Variants in SLC66A3 observed in about 807,000 individuals in gnomAD.
The protein encoded by SLC66A3 is solute carrier family 66 member 3.
In SLC66A3, 23 loss-of-function variants were observed where a neutral mutation model predicts 25.5. The ratio of observed to expected loss-of-function variants is 0.90; its 90% CI spans 0.65 to 1.28. The LOEUF is 1.28. Ranked by LOEUF, SLC66A3 falls within the 50% of genes most tolerant of loss-of-function variation. SLC66A3 has a pLI of 0.00. For missense variants in SLC66A3, 246 were observed against 262.1 expected (o/e 0.94, Z 0.42); for synonymous variants, 108 against 112.6 (o/e 0.96, Z 0.26).
In SLC66A3 at chr2:11,155,614, C is replaced by T. The variant is rs901906217; in HGVS notation, c.68C>T (p.Pro23Leu). The T allele has an allele frequency of 2.6e-6, 4 of 1,526,502 alleles. No individual in the cohort carries two copies. Among genetic ancestry groups the T allele is most frequent in the African/African-American group, 2.8e-5 (2 of 70,202 alleles). The allele number at this position is 1,526,502 out of a possible 1,614,324, so 94.6% of individuals were successfully genotyped here. ...GGCGTGTGCGCCGCGCTGAAGCTGCCGCAGATCTCCGCTGTGCTAGCGGCG... is the reference window on the plus strand; with the variant it reads ...GGCGTGTGCGCCGCGCTGAAGCTGCTGCAGATCTCCGCTGTGCTAGCGGCG... ...TLGVCAALKL[P>L]QISAVLAARS... Residue 23 changes from proline to leucine, a missense_variant, in exon 1 of 7, where the codon CCG (proline) becomes CTG (leucine). Around this residue, in one of 3 missense-constraint regions of SLC66A3, gnomAD observed 142 missense variants for 130.3 expected, o/e 1.09. Coordinates refer to ENST00000295083, the MANE Select transcript of SLC66A3 (RefSeq NM_152391.5).
At chr2:11,166,941 T>C (rs1243712416) in intron 4 of SLC66A3, among the ~76,000 whole-genome samples, 3 of 152,086 alleles carry the variant, frequency 2.0e-5, no homozygotes, top group Non-Finnish European at 2.9e-5. Context: ...ACTAAAACAT[T>C]ATTTGTTGTT....
At chr2:11,161,112 G>C (rs1662113742) in intron 3 of SLC66A3, among the ~76,000 whole-genome samples, 1 of 152,192 alleles carries the variant, frequency 6.6e-6, no homozygotes, top group African/African-American at 2.4e-5. Context: ...GGCAGTTGTT[G>C]GCCCAGAGGC....
chr2:11,165,789 A>G (rs1056175541), intron 4 of SLC66A3, among the ~76,000 whole-genome samples: 9 of 152,336 alleles, frequency 5.9e-5, no homozygotes, highest in African/African-American at 9.6e-5. Context: ...CGAGGCTGGC[A>G]GATCACTCGC....
chr2:11,160,371 G>C lies in SLC66A3; in HGVS notation c.144-95G>C. The C allele has an allele frequency of 5.8e-6, 6 of 1,042,506 alleles. No individual in the cohort carries two copies. In the East Asian group the frequency reaches 1.4e-4, roughly 25 times the overall value. 64.6% of individuals were successfully genotyped at this position (1,042,506 alleles called of 1,614,324 possible). On this transcript the variant is annotated intron_variant, in intron 1 of 6. Transcript: ENST00000295083. ...GGCGTGTCCACACCCCCACTGCAAG[G>C]ATTCGGCAAACTGACCTCAGTGTTC...
In SLC66A3 at chr2:11,155,698, C is replaced by T. The variant is rs773634321; in HGVS notation, c.143+9C>T. ...CTTCTGGAGCTGGCAGGGTAAGGCC[C>T]GGGGCGGCCGGGGCTGCCTCCTGCC... On this transcript the variant is annotated intron_variant, in intron 1 of 6. Transcript: ENST00000295083. 47 of 1,389,012 alleles carry T rather than the reference C, an allele frequency of 3.4e-5. No homozygotes were observed. Among genetic ancestry groups the T allele is most frequent in the Non-Finnish European group, 4.1e-5 (44 of 1,074,076 alleles). 86.0% of individuals were successfully genotyped at this position (1,389,012 alleles called of 1,614,324 possible).
intron 6 of SLC66A3, among the ~76,000 whole-genome samples, chr2:11,176,817 C>G (rs974726998): frequency 6.6e-6 from 1 of 152,030 alleles, no homozygotes; most frequent in Non-Finnish European, 1.5e-5. Context: ...CGTGAGCCAC[C>G]GCGCCCGGCC....
At chr2:11,162,858 A>G (rs1287966476) in intron 3 of SLC66A3, among the ~76,000 whole-genome samples, 3 of 152,164 alleles carry the variant, frequency 2.0e-5, no homozygotes, top group Admixed American at 6.5e-5. Flanking sequence ...CACCTGCCTC[A>G]GCCTCCCAAA....
chr2:11,162,181 C>T (rs1332884392), intron 3 of SLC66A3, among the ~76,000 whole-genome samples: 3 of 152,132 alleles, frequency 2.0e-5, no homozygotes, highest in African/African-American at 4.8e-5. Context: ...TTACTAGAGG[C>T]GAGGCTCTGC....
chr2:11,171,427 CAG>C (rs1176277670), intron 4 of SLC66A3, among the ~76,000 whole-genome samples: 2 of 151,786 alleles, frequency 1.3e-5, no homozygotes, highest in Admixed American at 6.6e-5. Flanking sequence ...GCCTGGGTGA[CAG>C]AGTGAGACTG....
At chr2:11,165,615 T>G (rs1478814009) in intron 4 of SLC66A3, among the ~76,000 whole-genome samples, 66 of 151,516 alleles carry the variant, frequency 4.4e-4, no homozygotes, top group South Asian at 8.3e-4. Flanking sequence ...AGACGGGGTG[T>G]CGGCCGGGCA....
intron 1 of SLC66A3, among the ~76,000 whole-genome samples, chr2:11,156,859 C>T (rs1386437020): frequency 2.0e-5 from 3 of 152,136 alleles, no homozygotes; most frequent in Non-Finnish European, 4.4e-5. Flanking sequence ...AGGTTGGTGC[C>T]ACCACCAGGC....
intron 4 of SLC66A3, among the ~76,000 whole-genome samples, chr2:11,171,099 C>G (rs1044344860): frequency 6.6e-6 from 1 of 152,056 alleles, no homozygotes; most frequent in Non-Finnish European, 1.5e-5. Flanking sequence ...AGGCAGATCA[C>G]CTGAGGTCAG....
rs370627766 is a variant in SLC66A3, at chr2:11,167,392, A to G, written c.354+3131A>G. On this transcript the variant is annotated intron_variant, in intron 4 of 6. Coordinates refer to ENST00000295083, the MANE Select transcript of SLC66A3 (RefSeq NM_152391.5). ...CGGGAGGCGGAGGTTGCAGTGAGCC[A>G]AGATCAAGCCATTGCACTCCAGCCT... 2.0e-5 allele frequency among the ~76,000 whole-genome samples: 3 copies of G among 152,278 alleles called. No homozygotes were observed. In the East Asian group the frequency reaches 5.8e-4, roughly 29 times the overall value.
chr2:11,174,561 ATC>A lies in SLC66A3; in HGVS notation c.476-404_476-403del, dbSNP rs1453039444. Among the ~76,000 whole-genome samples the A allele has an allele frequency of 7.2e-5, 11 of 151,966 alleles. No individual in the cohort carries two copies. The East Asian group carries it at 2.1e-3, about 29-fold the overall frequency. On this transcript the variant is annotated intron_variant, in intron 5 of 6. Transcript: ENST00000295083. The stretch of plus-strand genomic sequence containing the variant: ...ACCCAGGCTGGAGTCAATTGGCGCA[ATC>A]TCAGCTCACTGCAACCTTTGCCTCC...
chr2:11,169,697 G>A (rs749001974), intron 4 of SLC66A3, among the ~76,000 whole-genome samples: 4 of 151,826 alleles, frequency 2.6e-5, no homozygotes, highest in Admixed American at 6.6e-5. Flanking sequence ...CTCCAACCTC[G>A]CGTGTCCAGA....
chr2:11,165,478 T>C (rs1662298871), intron 4 of SLC66A3, among the ~76,000 whole-genome samples: 1 of 143,194 alleles, frequency 7.0e-6, no homozygotes. Context: ...GCAGAGGCGC[T>C]CCCCACATCT....
At chr2:11,166,232 TA>T (rs1023816618) in intron 4 of SLC66A3, among the ~76,000 whole-genome samples, 7 of 152,216 alleles carry the variant, frequency 4.6e-5, no homozygotes, top group African/African-American at 1.2e-4. Context: ...CTTAGGTTCA[TA>T]ATGGCATGTT....
intron 4 of SLC66A3, among the ~76,000 whole-genome samples, chr2:11,168,594 C>T (rs946006110): frequency 1.3e-5 from 2 of 152,132 alleles, no homozygotes; most frequent in Non-Finnish European, 2.9e-5. Context: ...TCCGCACCGA[C>T]TCCTCGCCAC....
At chr2:11,161,796 C>G (rs1416919392) in intron 3 of SLC66A3, among the ~76,000 whole-genome samples, 1 of 152,266 alleles carries the variant, frequency 6.6e-6, no homozygotes, top group Non-Finnish European at 1.5e-5. Context: ...GCTGGGATTA[C>G]AGGCATGAGC....
Sources: allele counts gnomAD v4.1 joint callset (sites outside exome capture counted in the v4.1 genomes callset), GRCh38; gene constraint gnomAD v4.1.1; regional missense constraint gnomAD v4.1.1; transcripts MANE v1.5; gene names NCBI Gene and HGNC (gene_info 2026-07-23, HGNC 2026-07-21).